The following WRN variants were observed in gnomAD, a reference collection of about 807,000 sequenced individuals.
WRN encodes bifunctional 3'-5' exonuclease/ATP-dependent helicase WRN.
WRN carries 149 observed loss-of-function variants against 180.7 expected under a neutral mutation model. The ratio of observed to expected loss-of-function variants is 0.82; its 90% CI spans 0.72 to 0.94. The LOEUF is 0.94. Ranked by LOEUF, WRN falls within the 40% of genes least tolerant of loss-of-function variation. The pLI is 0.00. For synonymous variants in WRN, 548 were observed against 568.9 expected (o/e 0.96, Z 0.52); for missense variants, 1,661 against 1,700.1 (o/e 0.98, Z 0.40).
intron 19 of WRN, among the ~76,000 whole-genome samples, chr8:31,115,875 A>G (rs1801498120): frequency 6.6e-6 from 1 of 151,946 alleles, no homozygotes; most frequent in South Asian, 2.1e-4. Flanking sequence ...TGTAAAAGCA[A>G]TCTTTCAATA....
At chr8:31,060,955 G>A (rs996312464) in intron 3 of WRN, among the ~76,000 whole-genome samples, 1 of 152,168 alleles carries the variant, frequency 6.6e-6, no homozygotes, top group African/African-American at 2.4e-5. Context: ...TGTGGTTGGT[G>A]TTTATTTGGC....
intron 17 of WRN, among the ~76,000 whole-genome samples, chr8:31,098,464 G>T (rs2130213976): frequency 6.6e-6 from 1 of 152,210 alleles, no homozygotes; most frequent in Middle Eastern, 3.4e-3. Context: ...ATGAGTTATG[G>T]ACACTGCAAT....
rs1804184957 is a variant in WRN at position 31,173,697 on chromosome 8, G to A, written c.*595G>A. 1.8e-5 allele frequency: 3 copies of A among 162,472 alleles called. No individual in the cohort carries two copies. 10.1% of individuals were successfully genotyped at this position (162,472 alleles called of 1,614,324 possible). A position where few individuals can be genotyped will look rare whatever the true frequency, so the allele number is the denominator to read the frequency against. On this transcript the variant is annotated 3_prime_UTR_variant, in exon 35 of 35. Transcript: ENST00000298139. The stretch of plus-strand genomic sequence containing the variant: ...ATTGCACTAGGCAAGTGTATATTTT[G>A]TATTTTATATACAATTTCTATTATT...
At chr8:31,129,983 G>A (rs1418304245) in intron 23 of WRN, among the ~76,000 whole-genome samples, 2 of 124,972 alleles carry the variant, frequency 1.6e-5, no homozygotes, top group Non-Finnish European at 3.2e-5. Flanking sequence ...CCAGCCTGGC[G>A]ACAGAGCGAC....
At position 31,114,894 on chromosome 8, in the gene WRN, G is replaced by T. The variant is rs2737330; in HGVS notation, c.2274-1460G>T. ...TTTGAAAACATGTTTTTAAAATAAG[G>T]TTTTTTTTTTTTTTTTTTTGACATG... On this transcript the variant is annotated intron_variant, in intron 19 of 34. Coordinates refer to ENST00000298139, the MANE Select transcript of WRN (RefSeq NM_000553.6). Among the ~76,000 whole-genome samples the T allele has an allele frequency of 5.7e-3, 790 of 137,904 alleles. 42 individuals carry two copies. The highest frequency in any genetic ancestry group is 7.3e-3 in the Non-Finnish European group (468 of 64,066). 90.5% of individuals were successfully genotyped at this position (137,904 alleles called of 152,430 possible). A position where few individuals can be genotyped will look rare whatever the true frequency, so the allele number is the denominator to read the frequency against.
chr8:31,034,861 T>C lies in WRN; in HGVS notation c.-77+888T>C, dbSNP rs551156367. 7.2e-5 allele frequency among the ~76,000 whole-genome samples: 11 copies of C among 152,188 alleles called. No individual in the cohort carries two copies. The East Asian group carries it at 2.1e-3, about 29-fold the overall frequency. ...TGGCTGTACACTGTAACTCATAGGG[T>C]ATGAGTTATCGTGTCCAGCATATGG... On this transcript the variant is annotated intron_variant, in intron 1 of 34. Transcript: ENST00000298139.
chr8:31,143,289 T>A (rs1802730771), intron 27 of WRN, among the ~76,000 whole-genome samples: 1 of 152,234 alleles, frequency 6.6e-6, no homozygotes, highest in Non-Finnish European at 1.5e-5. Flanking sequence ...TTTATAACTT[T>A]GGCACTTGCT....
Position 31,081,118 on chromosome 8 carries a change from G to T in WRN, c.1091G>T (p.Gly364Val). 1.2e-6 allele frequency: 2 copies of T among 1,614,030 alleles called. No individual in the cohort carries two copies. The highest frequency in any genetic ancestry group is 1.7e-6 in the Non-Finnish European group (2 of 1,179,976). ...AAACATGATGGAGAAGATGTACTTG[G>T]AAATAAAGTGGAACGAAAAGAAGAT... Reference protein sequence around the residue: ...LAKHDGEDVLGNKVERKEDGF... With the variant: ...LAKHDGEDVLVNKVERKEDGF... The change falls in exon 9 of 35, where the codon GGA becomes GTA. Residue 364 changes from glycine to valine, a missense_variant. Transcript: ENST00000298139.
intron 34 of WRN, among the ~76,000 whole-genome samples, chr8:31,170,550 T>C (rs1045050338): frequency 6.6e-6 from 1 of 152,242 alleles, no homozygotes; most frequent in African/African-American, 2.4e-5. Context: ...AAATTAAATG[T>C]GAATGTAACT....
At chr8:31,052,148 T>C (rs762258675) in intron 1 of WRN, among the ~76,000 whole-genome samples, 12 of 152,222 alleles carry the variant, frequency 7.9e-5, no homozygotes, top group Non-Finnish European at 1.2e-4. Flanking sequence ...CCTTGTTCTA[T>C]AGTATGAAAA....
intron 21 of WRN, among the ~76,000 whole-genome samples, chr8:31,121,980 T>C (rs1476060608): frequency 3.9e-5 from 6 of 151,956 alleles, no homozygotes; most frequent in Non-Finnish European, 7.4e-5. Flanking sequence ...CAGTTCTGAT[T>C]TTATTTGTGT....
At position 31,150,372 on chromosome 8, in the gene WRN, G is replaced by C; in HGVS notation, c.3604G>C (p.Asp1202His). 1 of 1,614,122 alleles carries C rather than the reference G, an allele frequency of 6.2e-7. No homozygotes were observed. The highest frequency in any genetic ancestry group is 8.5e-7 in the Non-Finnish European group (1 of 1,180,010). The change falls in exon 31 of 35, where the codon GAT (aspartate) becomes CAT (histidine). Residue 1202 changes from aspartate to histidine, a missense_variant. By Grantham distance (81) the Asp-to-His change is moderately conservative. Around this residue, in one of 3 missense-constraint regions of WRN, gnomAD observed 1,141 missense variants for 1,149.4 expected, o/e 0.99. Transcript: ENST00000298139. ...TACGGTTGAAAACGTAAAAAGGATTGATGGTGTTTCTGAAGGCAAAGCTGC... is the reference window on the plus strand; with the variant it reads ...TACGGTTGAAAACGTAAAAAGGATTCATGGTGTTTCTGAAGGCAAAGCTGC... ...PTTVENVKRIDGVSEGKAAML... is the reference protein window; with the variant it reads ...PTTVENVKRIHGVSEGKAAML...
chr8:31,174,332 T>C lies in WRN; in HGVS notation c.*1230T>C, dbSNP rs978687197. ...AGTACGCACAGACACGTCTGCTGCA[T>C]GCCTAGGTACGAGGCTGTCTCCAGG... On this transcript the variant is annotated 3_prime_UTR_variant, in exon 35 of 35. Transcript: ENST00000298139. Among the ~76,000 whole-genome samples the C allele has an allele frequency of 1.3e-5, 2 of 152,222 alleles. No homozygotes were observed. The highest frequency in any genetic ancestry group is 2.9e-5 in the Non-Finnish European group (2 of 68,042).
rs193168090 is a variant in WRN, at chr8:31,146,989, G to A, written c.3384-64G>A. ...GGAAAGACATTCTCATTTAGGGGAT[G>A]AAATAGAAAGTCAATGAGGAGAAAG... On this transcript the variant is annotated intron_variant, in intron 28 of 34. Transcript: ENST00000298139. 25 of 1,359,286 alleles carry A rather than the reference G, an allele frequency of 1.8e-5. No individual in the cohort carries two copies. The East Asian group carries it at 5.8e-4, about 32-fold the overall frequency. 84.2% of individuals were successfully genotyped at this position (1,359,286 alleles called of 1,614,324 possible). A position where few individuals can be genotyped will look rare whatever the true frequency, so the allele number is the denominator to read the frequency against.
intron 24 of WRN, among the ~76,000 whole-genome samples, chr8:31,140,848 C>T (rs1024464967): frequency 6.6e-6 from 1 of 151,992 alleles, no homozygotes; most frequent in African/African-American, 2.4e-5. Flanking sequence ...CTCTGCCTCC[C>T]AGATTCACGC....
rs1353309430 is a variant in WRN at position 31,174,089 on chromosome 8, C to T, written c.*987C>T. Among the ~76,000 whole-genome samples, 1 of 152,164 alleles carries T rather than the reference C, an allele frequency of 6.6e-6. No homozygotes were observed. The highest frequency in any genetic ancestry group is 1.5e-5 in the Non-Finnish European group (1 of 68,026). ...TTTACTAGTAGCTAATCACAGTCAA[C>T]CTCTTTTGTGTATCCCACCAGACTT... On this transcript the variant is annotated 3_prime_UTR_variant, in exon 35 of 35. Coordinates refer to ENST00000298139, the MANE Select transcript of WRN (RefSeq NM_000553.6).
Position 31,143,631 on chromosome 8 carries a change from G to C in WRN, c.3383+8G>C, listed in dbSNP as rs764168499. ...TAACATTTCTAAAAAAAGGTACAGA[G>C]TTCCATATTTCTATGTTCTATACTT... On this transcript the variant is annotated splice_region_variant and intron_variant, in intron 28 of 34. Coordinates refer to ENST00000298139, the MANE Select transcript of WRN (RefSeq NM_000553.6). The C allele has an allele frequency of 1.0e-5, 16 of 1,566,936 alleles. No homozygotes were observed. The highest frequency in any genetic ancestry group is 1.4e-5 in the Non-Finnish European group (16 of 1,138,802).
chr8:31,133,144 A>G (rs749421503), intron 24 of WRN, among the ~76,000 whole-genome samples: 13 of 152,206 alleles, frequency 8.5e-5, no homozygotes, highest in Non-Finnish European at 1.3e-4. Flanking sequence ...TTGCAGTCCA[A>G]GAGCTTGTTC....
chr8:31,106,933 T>C (rs1801121337), intron 18 of WRN, among the ~76,000 whole-genome samples: 1 of 152,116 alleles, frequency 6.6e-6, no homozygotes. Flanking sequence ...TGAGAATCAG[T>C]AAAGTGACTT....
Sources: gnomAD v4.1 joint callset for allele counts (sites outside exome capture counted in the v4.1 genomes callset) on GRCh38, gnomAD v4.1.1 for gene constraint, gnomAD v4.1.1 regional missense constraint, MANE v1.5 for transcripts, NCBI Gene and HGNC (gene_info 2026-07-23, HGNC 2026-07-21) for gene names.